Variants in NOL10 observed in about 807,000 individuals in gnomAD.
NOL10 encodes nucleolar protein 10.
In NOL10, 58 loss-of-function variants were observed where a neutral mutation model predicts 103.5. That is an observed-to-expected ratio of 0.56 (90% CI 0.45 to 0.70). The LOEUF is 0.70. Ranked by LOEUF, NOL10 falls within the 30% of genes least tolerant of loss-of-function variation. The pLI, the probability that NOL10 is intolerant of heterozygous loss-of-function variation, is 0.00. For missense variants in NOL10, 763 were observed against 807.3 expected, an observed-to-expected ratio of 0.95 and a Z score of 0.67; for synonymous variants, 287 against 282.5, an observed-to-expected ratio of 1.02 and a Z score of -0.16.
At chr2:10,628,638 G>A (rs981178708) in intron 13 of NOL10, among the ~76,000 whole-genome samples, 7 of 152,058 alleles carry the variant, frequency 4.6e-5, no homozygotes, top group South Asian at 4.1e-4. Context: ...TGAAAGGCCC[G>A]TCAGAATTTC....
chr2:10,632,338 C>CT (rs1677904840), intron 13 of NOL10, among the ~76,000 whole-genome samples: 1 of 152,228 alleles, frequency 6.6e-6, no homozygotes, highest in African/African-American at 2.4e-5. Context: ...CATATGGTCT[C>CT]TGTCACAGCT....
At chr2:10,646,313 ACCCTG>A (rs1679068855) in intron 12 of NOL10, among the ~76,000 whole-genome samples, 1 of 152,212 alleles carries the variant, frequency 6.6e-6, no homozygotes, top group Non-Finnish European at 1.5e-5. Context: ...CACTGGCTCA[ACCCTG>A]AACACTCAAC....
At chr2:10,603,316 T>C (rs978773208) in intron 14 of NOL10, among the ~76,000 whole-genome samples, 159 bp from the exon 15 acceptor site, 5 of 152,218 alleles carry the variant, frequency 3.3e-5, no homozygotes, top group African/African-American at 4.8e-5. Flanking sequence ...ATAGAGAACA[T>C]TTAATCTACT....
chr2:10,662,931 T>C (rs1212807576), intron 9 of NOL10, 28 bp downstream of exon 9: 2 of 1,541,148 alleles, frequency 1.3e-6, no homozygotes, highest in East Asian at 4.5e-5. Context: ...TTGATGAACA[T>C]TTACATTGCA....
intron 8 of NOL10, among the ~76,000 whole-genome samples, chr2:10,665,466 T>C (rs1032170015): frequency 3.9e-5 from 6 of 152,200 alleles, no homozygotes; most frequent in Non-Finnish European, 2.9e-5. Context: ...AGATGTAATA[T>C]GAAAATCAAT....
intron 19 of NOL10, among the ~76,000 whole-genome samples, chr2:10,583,482 T>C (rs1216444900): frequency 6.6e-6 from 1 of 152,210 alleles, no homozygotes; most frequent in Non-Finnish European, 1.5e-5. Context: ...GACACTGCCA[T>C]TGGTTTACTG....
intron 13 of NOL10, among the ~76,000 whole-genome samples, chr2:10,623,113 A>C (rs7594513): frequency 0.21 from 32,601 of 152,002 alleles, 4,565 homozygotes; most frequent in East Asian, 0.44. Flanking sequence ...GCTTCCAAAG[A>C]CAACCCCCAT....
At position 10,689,826 on chromosome 2, in the gene NOL10, G is replaced by A. The variant is rs764953807; in HGVS notation, c.36C>T (p.Tyr12=). 22 of 1,607,762 alleles carry A rather than the reference G, an allele frequency of 1.4e-5. No homozygotes were observed. The highest frequency in any genetic ancestry group is 3.3e-4 in the Middle Eastern group (2 of 6,074). ...QVSSLNEVKI[Y]SLSCGKSLPE... is the part of the protein sequence containing the mutation. ...GAAGGGACTTGCCGCAGCTGAGGCT[G>A]TAAATCTTCACCTCATTGAGGCTGG... is the stretch of plus-strand genomic sequence containing the variant. Residue 12 remains tyrosine, a synonymous_variant, in exon 1 of 21, where the codon TAC becomes TAT. Transcript: ENST00000381685.
At chr2:10,617,741 C>A (rs1379105052) in intron 13 of NOL10, among the ~76,000 whole-genome samples, 1 of 152,070 alleles carries the variant, frequency 6.6e-6, no homozygotes, top group African/African-American at 2.4e-5. Context: ...AATGGGTGAA[C>A]AAATGTGATA....
At chr2:10,622,122 A>G in intron 13 of NOL10, 1 of 471,502 alleles carries the variant, frequency 2.1e-6, no homozygotes, top group Non-Finnish European at 4.4e-6. Context: ...ACTTTGGTTT[A>G]GAGAACTGGA....
chr2:10,584,539 A>G (rs540264285), intron 19 of NOL10, among the ~76,000 whole-genome samples: 2 of 152,346 alleles, frequency 1.3e-5, no homozygotes, highest in South Asian at 4.1e-4. Context: ...AGTCCAAGTG[A>G]ACATTTAAAT....
At chr2:10,661,795 T>C (rs1371480784) in intron 9 of NOL10, among the ~76,000 whole-genome samples, 1 of 152,106 alleles carries the variant, frequency 6.6e-6, no homozygotes, top group Admixed American at 6.5e-5. Flanking sequence ...CTTTCTCATA[T>C]TGTATGGGCT....
intron 12 of NOL10, among the ~76,000 whole-genome samples, chr2:10,651,685 G>A (rs1030409898): frequency 1.3e-5 from 2 of 151,726 alleles, no homozygotes; most frequent in African/African-American, 2.4e-5. Context: ...TCCCCCAGTC[G>A]CACTATCCCT....
chr2:10,580,643 G>C lies in NOL10; in HGVS notation c.1845-2905C>G, dbSNP rs142147380. 8.3e-3 allele frequency among the ~76,000 whole-genome samples: 1,268 copies of C among 152,212 alleles called. 4 individuals carry two copies. Among genetic ancestry groups the C allele is most frequent in the Non-Finnish European group, 0.014 (951 of 68,014 alleles). On this transcript the variant is annotated intron_variant, in intron 19 of 20. Coordinates refer to ENST00000381685, the MANE Select transcript of NOL10 (RefSeq NM_024894.4). ...AGTAAATTTATCTTAAAATAAAAAG[G>C]AAAGTGGGCAGAAACTACTAGGAAG... is the stretch of plus-strand genomic sequence containing the variant.
chr2:10,578,004 C>T (rs9973456), intron 19 of NOL10, among the ~76,000 whole-genome samples: 52,292 of 152,068 alleles, frequency 0.34, 9,422 homozygotes, highest in Non-Finnish European at 0.4. Flanking sequence ...ACTTCAATGC[C>T]TGCTACTTTT....
intron 12 of NOL10, among the ~76,000 whole-genome samples, chr2:10,644,863 T>C (rs1678944114): frequency 6.6e-6 from 1 of 152,252 alleles, no homozygotes; most frequent in Non-Finnish European, 1.5e-5. Flanking sequence ...TATTTGGTAC[T>C]AAACTACTTA....
Position 10,598,304 on chromosome 2 carries a change from A to C in NOL10, c.1422+2549T>G, listed in dbSNP as rs570304363. Among the ~76,000 whole-genome samples the C allele has an allele frequency of 4.6e-5, 7 of 152,352 alleles. No homozygotes were observed. In the East Asian group the frequency reaches 1.3e-3, roughly 29 times the overall value. ...GTTCCTGCAGACAGGACGCGTGTGT[A>C]ACTGTTGCATTGCTTCTTCAGATAC... On this transcript the variant is annotated intron_variant, in intron 17 of 20. Coordinates refer to ENST00000381685, the MANE Select transcript of NOL10 (RefSeq NM_024894.4).
chr2:10,601,276 G>C (rs1240821339), intron 16 of NOL10, among the ~76,000 whole-genome samples: 1 of 152,132 alleles, frequency 6.6e-6, no homozygotes, highest in Non-Finnish European at 1.5e-5. Context: ...TGTCAGCCAG[G>C]ACAGTCTCGG....
chr2:10,684,467 C>A, intron 2 of NOL10, 100 bp downstream of exon 2: 1 of 922,260 alleles, frequency 1.1e-6, no homozygotes, highest in Non-Finnish European at 1.6e-6. Flanking sequence ...TACATGTTAC[C>A]GCATTCTTAT....
Sources: allele counts gnomAD v4.1 joint callset (sites outside exome capture counted in the v4.1 genomes callset), GRCh38; gene constraint gnomAD v4.1.1; transcripts MANE v1.5; gene names NCBI Gene and HGNC (gene_info 2026-07-23, HGNC 2026-07-21).